The following CTAGE1 variants were observed in gnomAD, a reference collection of about 807,000 sequenced individuals.
CTAGE1 encodes cTAGE family member 2.
For missense variants in CTAGE1, 963 were observed against 855.9 expected, an observed-to-expected ratio of 1.13 and a Z score of -1.56; for synonymous variants, 332 against 302.8, an observed-to-expected ratio of 1.10 and a Z score of -1.00.
In CTAGE1 at chr18:22,415,764, C is replaced by G; in HGVS notation, c.2048G>C (p.Arg683Thr). Residue 683 changes from arginine to threonine, a missense_variant, in exon 1 of 1, where the codon AGA becomes ACA. By Grantham distance (71) the Arg-to-Thr change is moderately conservative. Coordinates refer to ENST00000391403, the MANE Select transcript of CTAGE1 (RefSeq NM_172241.3). ...FPVDTRGPFI[R>T]RGPPFPPPPP... ...AGGTGGGGGGAAAGGAGGTCCTCTTCTTATGAACGGGCCCCTTGTATCTAC... is the reference window on the plus strand; with the variant it reads ...AGGTGGGGGGAAAGGAGGTCCTCTTGTTATGAACGGGCCCCTTGTATCTAC... The G allele has an allele frequency of 6.2e-7, 1 of 1,613,928 alleles. No individual in the cohort carries two copies. Among genetic ancestry groups the G allele is most frequent in the Non-Finnish European group, 8.5e-7 (1 of 1,179,858 alleles).
At position 22,417,143 on chromosome 18, in the gene CTAGE1, T is replaced by C; in HGVS notation, c.669A>G (p.Ala223=). The C allele has an allele frequency of 6.2e-7, 1 of 1,613,960 alleles. No individual in the cohort carries two copies. The highest frequency in any genetic ancestry group is 1.3e-5 in the African/African-American group (1 of 75,060). ...KRTFEDSKVH[A]EQVLNDKENH... ...TTTCTTTATCATTTAGAACTTGTTC[T>C]GCATGTACTTTGGAGTCTTCAAATG... is the stretch of plus-strand genomic sequence containing the variant. Residue 223 remains alanine, a synonymous_variant, in exon 1 of 1, where the codon GCA becomes GCG. Coordinates refer to ENST00000391403, the MANE Select transcript of CTAGE1 (RefSeq NM_172241.3).
Position 22,415,748 on chromosome 18 carries a change from G to A in CTAGE1, c.2064C>T (p.Phe688=), listed in dbSNP as rs777199287. ...ACACGGTTCCTGGAGGAGGTGGGGG[G>A]AAAGGAGGTCCTCTTCTTATGAACG... is the stretch of plus-strand genomic sequence containing the variant. ...RGPFIRRGPP[F]PPPPPGTVFG... The change falls in exon 1 of 1, where the codon TTC becomes TTT. Residue 688 remains phenylalanine, a synonymous_variant. Transcript: ENST00000391403. 15 of 1,613,870 alleles carry A rather than the reference G, an allele frequency of 9.3e-6. No individual in the cohort carries two copies. Among genetic ancestry groups the A allele is most frequent in the Non-Finnish European group, 1.3e-5 (15 of 1,179,918 alleles).
chr18:22,415,619 G>C lies in CTAGE1; in HGVS notation c.2193C>G (p.Tyr731Ter), dbSNP rs1017290645. ...GGAAAAATGCAGGTCTTGGGGGACG[G>C]TAAGGAAGAAAACCTCTCGGTAAAT... ...NVYLPRGFLP[Y>*]RPPRPAFFPP... The change falls in exon 1 of 1, where the codon TAC becomes TAG. Residue 731 changes from tyrosine (Y) to a stop codon, truncating the protein, a stop_gained. Transcript: ENST00000391403. LOFTEE classifies it low-confidence loss of function (END_TRUNC). The C allele has an allele frequency of 1.9e-6, 3 of 1,613,690 alleles. No individual in the cohort carries two copies. Among genetic ancestry groups the C allele is most frequent in the Admixed American group, 1.7e-5 (1 of 60,002 alleles).
Position 22,415,595 on chromosome 18 carries a change from G to GA in CTAGE1, c.2216dup (p.Ala742SerfsTer9), listed in dbSNP as rs762344027. 18 of 1,605,816 alleles carry GA rather than the reference G, an allele frequency of 1.1e-5. No individual in the cohort carries two copies. In the Admixed American group the frequency reaches 1.9e-4, roughly 17 times the overall value. On this transcript the variant is annotated frameshift_variant, in exon 1 of 1. Coordinates refer to ENST00000391403, the MANE Select transcript of CTAGE1 (RefSeq NM_172241.3). LOFTEE classifies it high-confidence loss of function. Reference sequence around the variant, plus strand: ...ACCTTCAGAATGTGGGGGCTGGGGGGAAAAATGCAGGTCTTGGGGGACGGT... The same window carrying GA: ...ACCTTCAGAATGTGGGGGCTGGGGGGAAAAAATGCAGGTCTTGGGGGACGGT...
chr18:22,414,923 A>G lies in CTAGE1; in HGVS notation c.*651T>C, dbSNP rs923139697. 3 of 645,690 alleles carry G rather than the reference A, an allele frequency of 4.6e-6. No homozygotes were observed. In the African/African-American group the frequency reaches 5.5e-5, roughly 12 times the overall value. 40.0% of individuals were successfully genotyped at this position (645,690 alleles called of 1,614,324 possible). On this transcript the variant is annotated 3_prime_UTR_variant, in exon 1 of 1. Coordinates refer to ENST00000391403, the MANE Select transcript of CTAGE1 (RefSeq NM_172241.3). ...GGCGAAGAAACCATTCTTGAGGAAA[A>G]CAGAGGAAACACGAATACTTTCTGC...
chr18:22,416,490 C>A lies in CTAGE1; in HGVS notation c.1322G>T (p.Arg441Ile). The change falls in exon 1 of 1, where the codon AGA (arginine) becomes ATA (isoleucine). Residue 441 changes from arginine to isoleucine, a missense_variant. By Grantham distance (97) the Arg-to-Ile change is moderately conservative. Transcript: ENST00000391403. ...DNWSAAWTAERNLNDLRKENA... is the reference protein window; with the variant it reads ...DNWSAAWTAEINLNDLRKENA... Reference sequence around the variant, plus strand: ...TTCTTTCCTTAAATCATTGAGGTTTCTTTCAGCAGTCCAAGCTGCCGACCA... The same window carrying A: ...TTCTTTCCTTAAATCATTGAGGTTTATTTCAGCAGTCCAAGCTGCCGACCA... The A allele has an allele frequency of 6.2e-7, 1 of 1,614,118 alleles. No homozygotes were observed. Among genetic ancestry groups the A allele is most frequent in the Middle Eastern group, 1.6e-4 (1 of 6,062 alleles).
chr18:22,415,990 C>A lies in CTAGE1; in HGVS notation c.1822G>T (p.Glu608Ter). The change falls in exon 1 of 1, where the codon GAA (glutamate) becomes TAA (stop). Residue 608 changes from glutamate (E) to a stop codon, truncating the protein, a stop_gained. Coordinates refer to ENST00000391403, the MANE Select transcript of CTAGE1 (RefSeq NM_172241.3). LOFTEE classifies it low-confidence loss of function (END_TRUNC). Reference protein sequence around the residue: ...SNCARLSGPAELRSFNMPSLD... With the variant: ...SNCARLSGPA Reference sequence around the variant, plus strand: ...GAAGGCATATTAAAACTTCTGAGTTCTGCTGGTCCAGAGAGTCTAGCACAA... The same window carrying A: ...GAAGGCATATTAAAACTTCTGAGTTATGCTGGTCCAGAGAGTCTAGCACAA... The A allele has an allele frequency of 6.2e-7, 1 of 1,613,940 alleles. No individual in the cohort carries two copies. Among genetic ancestry groups the A allele is most frequent in the Non-Finnish European group, 8.5e-7 (1 of 1,179,870 alleles).
In CTAGE1 at chr18:22,417,502, G is replaced by A; in HGVS notation, c.310C>T (p.Leu104=). 2 of 1,613,952 alleles carry A rather than the reference G, an allele frequency of 1.2e-6. No individual in the cohort carries two copies. The highest frequency in any genetic ancestry group is 4.5e-5 in the East Asian group (2 of 44,886). ...ACAAGTTCAGAATTGAACCTGTTCAGCTTTTCGCAGGTTGCCTCCAAACTT... is the reference window on the plus strand; with the variant it reads ...ACAAGTTCAGAATTGAACCTGTTCAACTTTTCGCAGGTTGCCTCCAAACTT... ...AQSLEATCEK[L]NRFNSELVHE... Residue 104 remains leucine (L), a synonymous_variant, in exon 1 of 1, where the codon CTG becomes TTG. Transcript: ENST00000391403.
Position 22,414,663 on chromosome 18 carries a change from C to A in CTAGE1, c.*911G>T. The A allele has an allele frequency of 1.4e-6, 1 of 702,402 alleles. No individual in the cohort carries two copies. Among genetic ancestry groups the A allele is most frequent in the Non-Finnish European group, 2.6e-6 (1 of 384,894 alleles). The allele number at this position is 702,402 out of a possible 1,614,324, so 43.5% of individuals were successfully genotyped here. ...GATTTACTCCTTCCCCTTGCCACAG[C>A]AAGAGAAAAGCAGAACATAAAACTA... is the stretch of plus-strand genomic sequence containing the variant. On this transcript the variant is annotated 3_prime_UTR_variant, in exon 1 of 1. Coordinates refer to ENST00000391403, the MANE Select transcript of CTAGE1 (RefSeq NM_172241.3).
rs1234413300 is a variant in CTAGE1 at position 22,416,184 on chromosome 18, C to G, written c.1628G>C (p.Arg543Thr). Residue 543 changes from arginine (R) to threonine (T), a missense_variant, in exon 1 of 1, where the codon AGA becomes ACA. Transcript: ENST00000391403. ...NPPDHQITKE[R>T]GESSCDRLTD... is the part of the protein sequence containing the mutation. ...TAACCTATCACAGCTTGATTCTCCT[C>G]TTTCTTTGGTAATCTGATGGTCCGG... 3 of 1,613,838 alleles carry G rather than the reference C, an allele frequency of 1.9e-6. No homozygotes were observed. The African/African-American group carries it at 4.0e-5, about 22-fold the overall frequency.
At position 22,414,302 on chromosome 18, in the gene CTAGE1, C is replaced by A. The variant is rs183356507; in HGVS notation, c.*1272G>T. ...AAAGTAGCTGAGGATAGTGGTGGTT[C>A]AAGGGAAGACGGAAAATGTATAGGA... On this transcript the variant is annotated 3_prime_UTR_variant, in exon 1 of 1. Coordinates refer to ENST00000391403, the MANE Select transcript of CTAGE1 (RefSeq NM_172241.3). 81 of 194,622 alleles carry A rather than the reference C, an allele frequency of 4.2e-4. No homozygotes were observed. In the East Asian group the frequency reaches 7.8e-3, roughly 19 times the overall value. The allele number at this position is 194,622 out of a possible 1,614,324, so 12.1% of individuals were successfully genotyped here.
At position 22,417,514 on chromosome 18, in the gene CTAGE1, T is replaced by A. The variant is rs1392105203; in HGVS notation, c.298A>T (p.Thr100Ser). The stretch of plus-strand genomic sequence containing the variant: ...TTGAACCTGTTCAGCTTTTCGCAGG[T>A]TGCCTCCAAACTTTGTGCTTCTGTT... ...EATEAQSLEA[T>S]CEKLNRFNSE... The change falls in exon 1 of 1, where the codon ACC (threonine) becomes TCC (serine). Residue 100 changes from threonine (T) to serine (S), a missense_variant. By Grantham distance (58) the Thr-to-Ser change is moderately conservative (BLOSUM62 1). Coordinates refer to ENST00000391403, the MANE Select transcript of CTAGE1 (RefSeq NM_172241.3). The A allele has an allele frequency of 3.7e-6, 6 of 1,614,022 alleles. No homozygotes were observed. Among genetic ancestry groups the A allele is most frequent in the Non-Finnish European group, 4.2e-6 (5 of 1,179,874 alleles).
In CTAGE1 at chr18:22,414,771, GT is replaced by G. The variant is rs770601836; in HGVS notation, c.*802del. The G allele has an allele frequency of 3.8e-5, 27 of 702,780 alleles. No homozygotes were observed. The African/African-American group carries it at 4.7e-4, about 12-fold the overall frequency. 43.5% of individuals were successfully genotyped at this position (702,780 alleles called of 1,614,324 possible). ...CTATATAATTCTGGGGCAAGTAAAA[GT>G]TCTGGATAAAGTTGTTCCCACCAAA... On this transcript the variant is annotated 3_prime_UTR_variant, in exon 1 of 1. Coordinates refer to ENST00000391403, the MANE Select transcript of CTAGE1 (RefSeq NM_172241.3).
At position 22,417,718 on chromosome 18, in the gene CTAGE1, T is replaced by G. The variant is rs1299565132; in HGVS notation, c.94A>C (p.Ser32Arg). 6.2e-7 allele frequency: 1 copy of G among 1,614,196 alleles called. No individual in the cohort carries two copies. The change falls in exon 1 of 1, where the codon AGT (serine) becomes CGT (arginine). Residue 32 changes from serine to arginine, a missense_variant. Transcript: ENST00000391403. ...GFFAVLFLWR[S>R]FRSVTSRLYV... ...AGCCGACTCGTAACTGATCTAAAAC[T>G]TCTCCACAAGAAGAGAACAGCAAAA...
In CTAGE1 at chr18:22,416,666, C is replaced by G. The variant is rs201703390; in HGVS notation, c.1146G>C (p.Glu382Asp). 61 of 1,613,822 alleles carry G rather than the reference C, an allele frequency of 3.8e-5. No homozygotes were observed. The highest frequency in any genetic ancestry group is 4.9e-5 in the Non-Finnish European group (58 of 1,179,968). The change falls in exon 1 of 1, where the codon GAG (glutamate) becomes GAC (aspartate). Residue 382 changes from glutamate (E) to aspartate (D), a missense_variant. Physicochemically the swap from Glu to Asp is conservative, Grantham distance 45. Transcript: ENST00000391403. ...TCATTTCGTCTACTTTAGAAAGTTT[C>G]TCTTCTTTCTCTAACCGGCATTTTT... Reference protein sequence around the residue: ...VEEKCRLEKEEKLSKVDEMIS... With the variant: ...VEEKCRLEKEDKLSKVDEMIS...
rs779124305 is a variant in CTAGE1, at chr18:22,415,541, C to T, written c.*33G>A. 2.0e-6 allele frequency: 3 copies of T among 1,513,170 alleles called. No individual in the cohort carries two copies. The highest frequency in any genetic ancestry group is 1.4e-5 in the African/African-American group (1 of 71,516). 93.7% of individuals were successfully genotyped at this position (1,513,170 alleles called of 1,614,324 possible). A position where few individuals can be genotyped will look rare whatever the true frequency, so the allele number is the denominator to read the frequency against. On this transcript the variant is annotated 3_prime_UTR_variant, in exon 1 of 1. Coordinates refer to ENST00000391403, the MANE Select transcript of CTAGE1 (RefSeq NM_172241.3). The stretch of plus-strand genomic sequence containing the variant: ...GTTCAGCAGCAGGCTCATTTGAAGT[C>T]GGACTCAACCCTGATGGAAACTCAT...
In CTAGE1 at chr18:22,416,231, G is replaced by A; in HGVS notation, c.1581C>T (p.Gly527=). 6.2e-7 allele frequency: 1 copy of A among 1,613,936 alleles called. No individual in the cohort carries two copies. Among genetic ancestry groups the A allele is most frequent in the East Asian group, 2.2e-5 (1 of 44,858 alleles). The change falls in exon 1 of 1, where the codon GGC becomes GGT. Residue 527 remains glycine, a synonymous_variant. Transcript: ENST00000391403. ...CCGGAGGATTCCCTGGGCCTCTGGA[G>A]CCTCTTCCTCCTCCCCGTGGAAGCA... is the stretch of plus-strand genomic sequence containing the variant. ...SPLLPRGGGR[G]SRGPGNPPDH...
rs760361888 is a variant in CTAGE1, at chr18:22,417,847, A to G, written c.-36T>C. The G allele has an allele frequency of 6.2e-6, 10 of 1,605,156 alleles. No individual in the cohort carries two copies. The highest frequency in any genetic ancestry group is 8.5e-6 in the Non-Finnish European group (10 of 1,172,048). The stretch of plus-strand genomic sequence containing the variant: ...AGTGCTGCCACAACCCTGCGTAGCA[A>G]CTCCAGGACCAGCCCCAGGTATGGC... On this transcript the variant is annotated 5_prime_UTR_variant, in exon 1 of 1. Transcript: ENST00000391403.
In CTAGE1 at chr18:22,415,687, C is replaced by A. The variant is rs757466641; in HGVS notation, c.2125G>T (p.Val709Phe). The change falls in exon 1 of 1, where the codon GTC becomes TTC. Residue 709 changes from valine to phenylalanine, a missense_variant. By Grantham distance (50) the Val-to-Phe change is conservative. Transcript: ENST00000391403. ...AATGGAGCACGTGGTGGACCTGGGA[C>A]ATCCCTTGGAGAAAAATAATCTGGA... ...ASPDYFSPRDVPGPPRAPFAM... is the reference protein window; with the variant it reads ...ASPDYFSPRDFPGPPRAPFAM... 15 of 1,613,968 alleles carry A rather than the reference C, an allele frequency of 9.3e-6. No individual in the cohort carries two copies. Among genetic ancestry groups the A allele is most frequent in the East Asian group, 4.5e-5 (2 of 44,892 alleles).
Sources: gnomAD v4.1 joint callset for allele counts on GRCh38, gnomAD v4.1.1 for gene constraint, MANE v1.5 for transcripts, NCBI Gene and HGNC (gene_info 2026-07-23, HGNC 2026-07-21) for gene names.